Variants in SAMD4A observed in about 807,000 individuals in gnomAD.
The protein encoded by SAMD4A is protein Smaug homolog 1.
Under a neutral mutation model 81.3 loss-of-function variants are expected in SAMD4A, and 33 were observed. The ratio of observed to expected loss-of-function variants is 0.41; its 90% CI spans 0.31 to 0.54. SAMD4A has a LOEUF of 0.54. SAMD4A is among the 20% of genes least tolerant of loss of function. The pLI, the probability that SAMD4A is intolerant of heterozygous loss-of-function variation, is 0.37. For synonymous variants in SAMD4A, 389 were observed against 382.1 expected, an observed-to-expected ratio of 1.02 and a Z score of -0.21; for missense variants, 854 against 951.1, an observed-to-expected ratio of 0.90 and a Z score of 1.34.
chr14:54,619,939 T>C, intron 2 of SAMD4A, among the ~76,000 whole-genome samples: 1 of 152,232 alleles, frequency 6.6e-6, no homozygotes, highest in South Asian at 2.1e-4. Flanking sequence ...GTATTGTTTA[T>C]TTTCCTTTGG....
Position 54,776,448 on chromosome 14 carries a change from G to A in SAMD4A, c.1952G>A (p.Ser651Asn). 6.3e-7 allele frequency: 1 copy of A among 1,594,314 alleles called. No individual in the cohort carries two copies. Among genetic ancestry groups the A allele is most frequent in the Non-Finnish European group, 8.5e-7 (1 of 1,171,376 alleles). The change falls in exon 11 of 13, where the codon AGC becomes AAC. Residue 651 changes from serine (S) to asparagine (N), a missense_variant. Ser to Asn is a conservative substitution (Grantham distance 46). Transcript: ENST00000554335. ...LWFANPGGSN[S>N]MPSRTHSSVQ... is the part of the protein sequence containing the mutation. ...TTTGCCAACCCCGGGGGCAGCAATA[G>A]CATGCCAAGCCGCACCCACAGCTCA...
chr14:54,611,603 G>A (rs577256684), intron 2 of SAMD4A, among the ~76,000 whole-genome samples: 10 of 152,140 alleles, frequency 6.6e-5, no homozygotes, highest in Non-Finnish European at 1.3e-4. Context: ...GGGGCCAGGC[G>A]CAGTGGCTCA....
chr14:54,723,079 A>G (rs1460470652), intron 3 of SAMD4A, among the ~76,000 whole-genome samples: 2 of 141,648 alleles, frequency 1.4e-5, no homozygotes, highest in Non-Finnish European at 3.1e-5. Flanking sequence ...GAGAGACATT[A>G]TGGTTATCTT....
At chr14:54,778,718 C>T (rs556805014) in intron 11 of SAMD4A, among the ~76,000 whole-genome samples, 1 of 152,338 alleles carries the variant, frequency 6.6e-6, no homozygotes, top group Non-Finnish European at 1.5e-5. Flanking sequence ...CAGGAAAAAG[C>T]CCGCTCTAAA....
At chr14:54,655,048 G>A (rs1303465674) in intron 2 of SAMD4A, among the ~76,000 whole-genome samples, 3 of 152,216 alleles carry the variant, frequency 2.0e-5, no homozygotes, top group Non-Finnish European at 4.4e-5. Flanking sequence ...CGGAGACTAG[G>A]ATCTTAGCCT....
At chr14:54,577,665 G>A (rs933624576) in intron 2 of SAMD4A, among the ~76,000 whole-genome samples, 1 of 152,204 alleles carries the variant, frequency 6.6e-6, no homozygotes, top group Non-Finnish European at 1.5e-5. Context: ...TACAGTCATT[G>A]TACTCAGAAC....
intron 2 of SAMD4A, among the ~76,000 whole-genome samples, chr14:54,655,747 A>AAAAC (rs536257487): frequency 2.6e-5 from 4 of 152,270 alleles, no homozygotes; most frequent in African/African-American, 7.2e-5. Context: ...TCAAAAAACA[A>AAAAC]AAACAAACAA....
intron 4 of SAMD4A, among the ~76,000 whole-genome samples, chr14:54,740,267 ATCTT>A (rs929686723): frequency 2.0e-5 from 3 of 152,228 alleles, no homozygotes; most frequent in African/African-American, 7.2e-5. Flanking sequence ...TGGCTCTACA[ATCTT>A]TCTTTTCTAT....
intron 2 of SAMD4A, among the ~76,000 whole-genome samples, chr14:54,625,087 A>G (rs1395730645): frequency 6.6e-6 from 1 of 151,624 alleles, no homozygotes; most frequent in East Asian, 1.9e-4. Flanking sequence ...TTAACACCTA[A>G]CCATTTTTCT....
At chr14:54,720,844 T>C (rs1195761010) in intron 3 of SAMD4A, among the ~76,000 whole-genome samples, 2 of 152,168 alleles carry the variant, frequency 1.3e-5, no homozygotes, top group Non-Finnish European at 2.9e-5. Context: ...CTCCAAGTCC[T>C]GAGCTTCATG....
At chr14:54,589,100 C>T (rs1315665571) in intron 2 of SAMD4A, among the ~76,000 whole-genome samples, 2 of 152,138 alleles carry the variant, frequency 1.3e-5, no homozygotes, top group Non-Finnish European at 2.9e-5. Flanking sequence ...CAAATTAGCA[C>T]CCTTATCTTA....
intron 11 of SAMD4A, among the ~76,000 whole-genome samples, chr14:54,782,855 C>T (rs566725477): frequency 8.5e-5 from 13 of 152,374 alleles, no homozygotes; most frequent in African/African-American, 3.1e-4. Context: ...CACCAAGCCA[C>T]CAACTTCGTT....
intron 6 of SAMD4A, among the ~76,000 whole-genome samples, chr14:54,758,342 C>T (rs1345097709): frequency 6.6e-6 from 1 of 152,188 alleles, no homozygotes; most frequent in Non-Finnish European, 1.5e-5. Flanking sequence ...ACAGGCACGT[C>T]CAAGCCTGCC....
At chr14:54,716,007 GC>G (rs2140834386) in intron 3 of SAMD4A, among the ~76,000 whole-genome samples, 1 of 152,208 alleles carries the variant, frequency 6.6e-6, no homozygotes, top group East Asian at 1.9e-4. Context: ...TGAATCACAG[GC>G]CACTTGAAAG....
At chr14:54,685,530 C>A (rs1408305156) in intron 2 of SAMD4A, 1 of 365,320 alleles carries the variant, frequency 2.7e-6, no homozygotes, top group Non-Finnish European at 5.4e-6. Flanking sequence ...TTGCTTCCAC[C>A]TTATGACTTG....
At chr14:54,606,213 G>GTGTGTGTGCGTGCA (rs1555335555) in intron 2 of SAMD4A, among the ~76,000 whole-genome samples, 21 of 144,412 alleles carry the variant, frequency 1.5e-4, no homozygotes, top group Non-Finnish European at 2.2e-4. Context: ...GTGTGTGTGT[G>GTGTGTGTGCGTGCA]CGTGCACGTG....
chr14:54,586,242 T>C (rs911509860), intron 2 of SAMD4A, among the ~76,000 whole-genome samples: 9 of 152,108 alleles, frequency 5.9e-5, no homozygotes, highest in Non-Finnish European at 1.2e-4. Context: ...CTTTTGAGAA[T>C]TCATGTCCTT....
At chr14:54,780,097 C>T (rs1009693066) in intron 11 of SAMD4A, among the ~76,000 whole-genome samples, 1 of 152,114 alleles carries the variant, frequency 6.6e-6, no homozygotes, top group Non-Finnish European at 1.5e-5. Context: ...TTCTTTACCC[C>T]CTGGAGGGCC....
chr14:54,641,168 G>A (rs545349512), intron 2 of SAMD4A, among the ~76,000 whole-genome samples: 9 of 152,316 alleles, frequency 5.9e-5, no homozygotes, highest in African/African-American at 1.9e-4. Context: ...TCTGTAAAAT[G>A]GGGATAATGG....
Sources: allele counts gnomAD v4.1 joint callset (sites outside exome capture counted in the v4.1 genomes callset), GRCh38; gene constraint gnomAD v4.1.1; transcripts MANE v1.5; gene names NCBI Gene and HGNC (gene_info 2026-07-23, HGNC 2026-07-21).